ALG13: variants seen among roughly 807,000 people sequenced by gnomAD.
ALG13 encodes UDP-N-acetylglucosamine transferase subunit ALG13.
ALG13 carries 11 observed loss-of-function variants against 87.8 expected under a neutral mutation model. The observed-to-expected ratio is 0.13, with a 90% CI of 0.08 to 0.21. The LOEUF is 0.21. ALG13 is among the 10% of genes least tolerant of loss of function. The probability of loss-of-function intolerance (pLI) is 1.00; values close to 1 mark genes in which losing one functional copy is unlikely to be tolerated. For synonymous variants in ALG13, 320 were observed against 306.3 expected (o/e 1.04, Z -0.47); for missense variants, 756 against 866.1 (o/e 0.87, Z 1.60).
intron 3 of ALG13, chrX:111,687,890 G>T: frequency 1.7e-6 from 2 of 1,150,228 alleles, no homozygotes; most frequent in Non-Finnish European, 2.3e-6. Flanking sequence ...GTTTTAGCAC[G>T]CTTCCTGGGC....
Position 111,710,301 on chromosome X carries a change from G to T in ALG13, c.834+1253G>T, listed in dbSNP as rs151005721. Among the ~76,000 whole-genome samples, 18 of 111,449 alleles carry T rather than the reference G, an allele frequency of 1.6e-4. 1 individual carries two copies. The East Asian group carries it at 5.1e-3, about 31-fold the overall frequency. ...GCCCGCCTTGGCCTCCCAAAGTGCT[G>T]GGACTACAAGTGTGAGCCACTGCGT... On this transcript the variant is annotated intron_variant, in intron 5 of 26. Coordinates refer to ENST00000394780, the MANE Select transcript of ALG13 (RefSeq NM_001099922.3).
chrX:111,708,598 A>G (rs1739153632), intron 4 of ALG13, among the ~76,000 whole-genome samples: 1 of 111,617 alleles, frequency 9.0e-6, no homozygotes, highest in African/African-American at 3.3e-5. Flanking sequence ...AACCTTTGCT[A>G]TCTTTTCTGT....
chrX:111,706,906 T>C (rs765898834), intron 3 of ALG13, among the ~76,000 whole-genome samples: 139 of 103,813 alleles, frequency 1.3e-3, no homozygotes, highest in African/African-American at 4.6e-3. Context: ...TCATGATTAC[T>C]ACTGGATCCA....
chrX:111,681,550 G>T lies in ALG13; in HGVS notation c.81+251G>T, dbSNP rs945727393. On this transcript the variant is annotated intron_variant, in intron 1 of 26. Coordinates refer to ENST00000394780, the MANE Select transcript of ALG13 (RefSeq NM_001099922.3). The stretch of plus-strand genomic sequence containing the variant: ...GCCGCTCCTCTCCCTCATTTCTTCA[G>T]CTCCTTTTCCGGTCTGCCCCCGCGC... The T allele has an allele frequency of 4.1e-6, 4 of 969,108 alleles. No homozygotes were observed. The African/African-American group carries it at 5.9e-5, about 14-fold the overall frequency. 79.9% of individuals were successfully genotyped at this position (969,108 alleles called of 1,213,427 possible).
At chrX:111,692,307 A>G (rs1342401068) in intron 3 of ALG13, among the ~76,000 whole-genome samples, 1 of 111,916 alleles carries the variant, frequency 8.9e-6, no homozygotes, top group Non-Finnish European at 1.9e-5. Context: ...ATGAGAATCT[A>G]CCTTTTGTAT....
At position 111,736,769 on chromosome X, in the gene ALG13, C is replaced by G; in HGVS notation, c.2585C>G (p.Pro862Arg). The G allele has an allele frequency of 1.7e-6, 2 of 1,210,652 alleles. No homozygotes were observed. The highest frequency in any genetic ancestry group is 2.2e-6 in the Non-Finnish European group (2 of 894,804). The change falls in exon 23 of 27, where the codon CCA becomes CGA. Residue 862 changes from proline (P) to arginine (R), a missense_variant. Pro to Arg is a moderately radical substitution (Grantham distance 103). This residue lies in a region of ALG13 where 362 missense variants were observed against 383.5 expected (regional missense o/e 0.94). Coordinates refer to ENST00000394780, the MANE Select transcript of ALG13 (RefSeq NM_001099922.3). ...AASCANNVPA[P>R]VLSNGAAANQ... The stretch of plus-strand genomic sequence containing the variant: ...TCCTGTGCCAATAATGTTCCAGCTC[C>G]AGTCTTATCTAACGGTGCAGCGGCT...
At chrX:111,692,413 A>G (rs1936288068) in intron 3 of ALG13, among the ~76,000 whole-genome samples, 1 of 112,119 alleles carries the variant, frequency 8.9e-6, no homozygotes, top group Non-Finnish European at 1.9e-5. Flanking sequence ...TCCATAAATG[A>G]TGAATGCACT....
chrX:111,736,302 T>C (rs1943238621), intron 22 of ALG13, among the ~76,000 whole-genome samples: 1 of 111,385 alleles, frequency 9.0e-6, no homozygotes, highest in African/African-American at 3.3e-5. Context: ...AGACCCTGTC[T>C]CAAAGAAAGG....
At chrX:111,700,465 C>A (rs1309816903) in intron 3 of ALG13, among the ~76,000 whole-genome samples, 3 of 110,504 alleles carry the variant, frequency 2.7e-5, no homozygotes, top group Non-Finnish European at 5.7e-5. Flanking sequence ...GAAAAGCTTT[C>A]GATTTTTCAC....
intron 22 of ALG13, among the ~76,000 whole-genome samples, chrX:111,735,629 G>A (rs1409303280): frequency 9.0e-6 from 1 of 111,158 alleles, no homozygotes; most frequent in Non-Finnish European, 1.9e-5. Context: ...GAATATTATG[G>A]AAGCCCTAGG....
chrX:111,689,742 C>G, intron 3 of ALG13: 1 of 727,342 alleles, frequency 1.4e-6, no homozygotes, highest in African/African-American at 2.3e-5. Context: ...GGAGCAGCTC[C>G]TTGATTCCCA....
chrX:111,753,702 C>G (rs778482193), intron 25 of ALG13, among the ~76,000 whole-genome samples: 3 of 111,899 alleles, frequency 2.7e-5, no homozygotes, highest in African/African-American at 9.7e-5. Context: ...TGGACACACA[C>G]ACCCTCCCAA....
At chrX:111,755,997 A>G (rs1181295242) in intron 25 of ALG13, among the ~76,000 whole-genome samples, 1 of 112,571 alleles carries the variant, frequency 8.9e-6, no homozygotes, top group Non-Finnish European at 1.9e-5. Flanking sequence ...CACAATGCCA[A>G]AGACTTGGAA....
intron 24 of ALG13, among the ~76,000 whole-genome samples, chrX:111,751,958 C>G (rs1439393136): frequency 1.8e-5 from 2 of 111,659 alleles, no homozygotes; most frequent in African/African-American, 6.5e-5. Flanking sequence ...GAGAAATTAC[C>G]TTGCTCATTG....
In ALG13 at chrX:111,728,143, A is replaced by G. The variant is rs147250361; in HGVS notation, c.2248-42A>G. On this transcript the variant is annotated intron_variant, in intron 18 of 26. Transcript: ENST00000394780. ...ATCCCTCTAGCTTTTTTTTCTGACTATATAGTGAGAACTGCAGTGTGTGTG... is the reference window on the plus strand; with the variant it reads ...ATCCCTCTAGCTTTTTTTTCTGACTGTATAGTGAGAACTGCAGTGTGTGTG... 1.1e-3 allele frequency: 1,343 copies of G among 1,206,519 alleles called. 5 individuals carry two copies. The African/African-American group carries it at 0.02, about 18-fold the overall frequency.
intron 3 of ALG13, chrX:111,689,130 A>G (rs1286992857): frequency 3.0e-6 from 2 of 667,526 alleles, no homozygotes; most frequent in Non-Finnish European, 3.6e-6. Flanking sequence ...AGGTGGTGAC[A>G]AAGAAATACT....
chrX:111,709,241 T>C (rs781565010), intron 5 of ALG13, among the ~76,000 whole-genome samples, 193 bp downstream of exon 5: 12 of 112,199 alleles, frequency 1.1e-4, no homozygotes, highest in Non-Finnish European at 7.5e-5. Flanking sequence ...TTTAGGACTC[T>C]AATTAAAAAT....
At chrX:111,724,430 C>T (rs1292787982) in intron 14 of ALG13, among the ~76,000 whole-genome samples, 1 of 112,002 alleles carries the variant, frequency 8.9e-6, no homozygotes, top group African/African-American at 3.3e-5. Context: ...GCTGCTCTAA[C>T]AACCAAAACA....
At chrX:111,717,133 G>A (rs896795323) in intron 8 of ALG13, 1 of 110,007 alleles carries the variant, frequency 9.1e-6, no homozygotes, top group Non-Finnish European at 1.9e-5. Flanking sequence ...AATTCAGAAA[G>A]GTTTTGGAAC....
Sources: allele counts gnomAD v4.1 joint callset (sites outside exome capture counted in the v4.1 genomes callset), GRCh38; gene constraint gnomAD v4.1.1; regional missense constraint gnomAD v4.1.1; transcripts MANE v1.5; gene names NCBI Gene and HGNC (gene_info 2026-07-23, HGNC 2026-07-21).